WDFY3: variants seen among roughly 807,000 people sequenced by gnomAD.
WDFY3 encodes WD repeat and FYVE domain containing 3, also known as WD repeat and FYVE domain-containing protein 3.
Under a neutral mutation model 409.6 loss-of-function variants are expected in WDFY3, and 66 were observed. The ratio of observed to expected loss-of-function variants is 0.16; its 90% CI spans 0.13 to 0.20. The LOEUF is 0.20. Among genes scored for constraint, WDFY3 ranks in the 10% least tolerant of loss-of-function variants. The pLI is 1.00. For synonymous variants in WDFY3, 1,521 were observed against 1,537.1 expected (o/e 0.99, Z 0.25); for missense variants, 3,031 against 4,298.1 (o/e 0.71, Z 8.24).
intron 6 of WDFY3, among the ~76,000 whole-genome samples, chr4:84,838,628 AT>A (rs966317648): frequency 7.2e-5 from 11 of 152,230 alleles, no homozygotes; most frequent in Non-Finnish European, 1.3e-4. Context: ...CTTCAAGACT[AT>A]CCCTGGCAAG....
chr4:84,780,296 C>G lies in WDFY3; in HGVS notation c.4177G>C (p.Val1393Leu). ...IGAALIGYLG[V>L]RTFVPKPVAT... ...ACAGGCTTAGGGACAAATGTTCTTA[C>G]TCCTGATTAAAAGATAGTGAAAAAT... Residue 1393 changes from valine (V) to leucine (L), a missense_variant and splice_region_variant, in exon 26 of 68, where the codon GTA becomes CTA. Transcript: ENST00000295888. 4 of 1,604,924 alleles carry G rather than the reference C, an allele frequency of 2.5e-6. No individual in the cohort carries two copies. Among genetic ancestry groups the G allele is most frequent in the Non-Finnish European group, 3.4e-6 (4 of 1,175,994 alleles).
chr4:84,783,429 A>T (rs1417223767), intron 24 of WDFY3, among the ~76,000 whole-genome samples: 1 of 152,162 alleles, frequency 6.6e-6, no homozygotes, highest in East Asian at 1.9e-4. Flanking sequence ...CAGTCAACGG[A>T]GATTGTGCCA....
chr4:84,842,284 C>T (rs1757469436), intron 5 of WDFY3, among the ~76,000 whole-genome samples: 1 of 152,066 alleles, frequency 6.6e-6, no homozygotes, highest in South Asian at 2.1e-4. Flanking sequence ...CGAGACCAGC[C>T]TGGCCAACAT....
intron 1 of WDFY3, among the ~76,000 whole-genome samples, chr4:84,958,292 T>C (rs1173914297): frequency 2.0e-5 from 3 of 152,222 alleles, no homozygotes; most frequent in African/African-American, 4.8e-5. Flanking sequence ...ACAGATTCCA[T>C]GTCCACATGA....
rs530712619 is a variant in WDFY3 at position 84,927,308 on chromosome 4, C to G, written c.-132+4962G>C. Among the ~76,000 whole-genome samples, 5 of 144,552 alleles carry G rather than the reference C, an allele frequency of 3.5e-5. No homozygotes were observed. The South Asian group carries it at 8.7e-4, about 25-fold the overall frequency. The allele number at this position is 144,552 out of a possible 152,430, so 94.8% of individuals were successfully genotyped here. On this transcript the variant is annotated intron_variant, in intron 2 of 67. Coordinates refer to ENST00000295888, the MANE Select transcript of WDFY3 (RefSeq NM_014991.6). The stretch of plus-strand genomic sequence containing the variant: ...CTAAATTTACTAAAGAAATGTTATT[C>G]CATATGTTACACACACACACACAGA...
intron 36 of WDFY3, among the ~76,000 whole-genome samples, chr4:84,748,052 C>T (rs1739811021): frequency 6.6e-6 from 1 of 152,094 alleles, no homozygotes; most frequent in Non-Finnish European, 1.5e-5. Flanking sequence ...CAGGTATACA[C>T]AAATCTGTTT....
At chr4:84,845,568 C>T (rs999362744) in intron 5 of WDFY3, among the ~76,000 whole-genome samples, 3 of 151,052 alleles carry the variant, frequency 2.0e-5, no homozygotes, top group Non-Finnish European at 4.4e-5. Context: ...AGGGTAGATC[C>T]CATATTAAGT....
intron 2 of WDFY3, among the ~76,000 whole-genome samples, chr4:84,929,477 C>T (rs189132549): frequency 6.6e-6 from 1 of 151,190 alleles, no homozygotes; most frequent in African/African-American, 2.4e-5. Context: ...GCGCCCCCCC[C>T]CCCAAATTCA....
intron 63 of WDFY3, 118 bp from the exon 64 acceptor site, chr4:84,682,588 ATACAGTTAGATT>A (rs1459347476): frequency 1.3e-6 from 1 of 798,298 alleles, no homozygotes; most frequent in African/African-American, 1.7e-5. Context: ...CCATCATGTT[ATACAGTTAGATT>A]TCCCGTATCT....
chr4:84,720,501 C>T (rs561317725), intron 47 of WDFY3, among the ~76,000 whole-genome samples: 43 of 152,250 alleles, frequency 2.8e-4, no homozygotes, highest in African/African-American at 9.9e-4. Context: ...GTTGGAGGTG[C>T]GGCCTTATGG....
At chr4:84,833,706 GAGAAC>G (rs1157470035) in intron 7 of WDFY3, among the ~76,000 whole-genome samples, 2 of 151,160 alleles carry the variant, frequency 1.3e-5, no homozygotes, top group African/African-American at 2.4e-5. Context: ...GAGAAGAGAA[GAGAAC>G]AGAACAGAAG....
chr4:84,743,918 T>A, intron 36 of WDFY3, 119 bp from the exon 37 acceptor site: 1 of 550,730 alleles, frequency 1.8e-6, no homozygotes, highest in Non-Finnish European at 2.8e-6. Context: ...TAAATTTGTT[T>A]TAAATGCCAT....
chr4:84,918,645 GT>G (rs929539212), intron 2 of WDFY3, among the ~76,000 whole-genome samples: 8 of 151,666 alleles, frequency 5.3e-5, no homozygotes, highest in Non-Finnish European at 7.4e-5. Context: ...GACCAAATGA[GT>G]AAAATGTTGG....
chr4:84,753,669 TTC>T (rs1358011899), intron 35 of WDFY3, 26 bp downstream of exon 35: 1 of 1,526,394 alleles, frequency 6.6e-7, no homozygotes, highest in Admixed American at 2.3e-5. Flanking sequence ...CTAATTCCAG[TTC>T]TGACATTTTC....
At chr4:84,797,575 T>TATTTA (rs1364670860) in intron 18 of WDFY3, among the ~76,000 whole-genome samples, 1 of 150,882 alleles carries the variant, frequency 6.6e-6, no homozygotes, top group African/African-American at 2.4e-5. Context: ...TTTATTTATT[T>TATTTA]ATTTATTTAT....
intron 2 of WDFY3, among the ~76,000 whole-genome samples, chr4:84,916,409 T>C (rs1251897109): frequency 1.3e-5 from 2 of 152,220 alleles, no homozygotes; most frequent in African/African-American, 2.4e-5. Flanking sequence ...ACTTTACTTA[T>C]GCAAATGATT....
intron 45 of WDFY3, among the ~76,000 whole-genome samples, chr4:84,725,903 A>C (rs1212487160): frequency 6.6e-6 from 1 of 152,188 alleles, no homozygotes; most frequent in Admixed American, 6.5e-5. Flanking sequence ...TCAGGTACAG[A>C]GCAAGGAAAT....
intron 3 of WDFY3, among the ~76,000 whole-genome samples, chr4:84,880,878 C>T (rs975774403): frequency 7.3e-5 from 11 of 149,776 alleles, no homozygotes; most frequent in Non-Finnish European, 1.5e-4. Flanking sequence ...CCACCATGCC[C>T]AGCTAATTTA....
At chr4:84,868,261 T>C (rs1377842753) in intron 3 of WDFY3, among the ~76,000 whole-genome samples, 2 of 148,860 alleles carry the variant, frequency 1.3e-5, no homozygotes, top group Non-Finnish European at 3.0e-5. Context: ...TTAATCTTTC[T>C]GGAAAATCCT....
Sources: gnomAD v4.1 joint callset for allele counts (sites outside exome capture counted in the v4.1 genomes callset) on GRCh38, gnomAD v4.1.1 for gene constraint, MANE v1.5 for transcripts, NCBI Gene and HGNC (gene_info 2026-07-23, HGNC 2026-07-21) for gene names.